SERPINB2: variants seen among roughly 807,000 people sequenced by gnomAD.
SERPINB2 encodes serpin family B member 2, also known as plasminogen activator inhibitor 2.
A neutral mutation model predicts 39.4 loss-of-function variants in SERPINB2; 28 were observed. The ratio of observed to expected loss-of-function variants is 0.71; its 90% confidence interval spans 0.53 to 0.97. The LOEUF (loss-of-function observed/expected upper bound fraction) is 0.97. Among genes scored for constraint, SERPINB2 ranks in the 50% least tolerant of loss-of-function variants. SERPINB2 has a pLI of 0.00. For synonymous variants in SERPINB2, 209 were observed against 175.1 expected (o/e 1.19, Z -1.53); for missense variants, 557 against 505.3 (o/e 1.10, Z -0.98).
At chr18:63,899,368 G>A (rs892644664) in intron 5 of SERPINB2, among the ~76,000 whole-genome samples, 1 of 152,050 alleles carries the variant, frequency 6.6e-6, no homozygotes, top group African/African-American at 2.4e-5. Context: ...CTTATCCTAT[G>A]CCCCCACAAA....
At chr18:63,893,750 T>C (rs9630850) in intron 2 of SERPINB2, among the ~76,000 whole-genome samples, 40,165 of 152,080 alleles carry the variant, frequency 0.26, 5,755 homozygotes, top group East Asian at 0.48. Flanking sequence ...TAGTAGCAGT[T>C]GCTATAATAA....
In SERPINB2 at chr18:63,897,806, G is replaced by C; in HGVS notation, c.497G>C (p.Arg166Thr). The C allele has an allele frequency of 6.2e-7, 1 of 1,612,012 alleles. No homozygotes were observed. Among genetic ancestry groups the C allele is most frequent in the Non-Finnish European group, 8.5e-7 (1 of 1,178,834 alleles). Residue 166 changes from arginine to threonine, a missense_variant, in exon 5 of 8, where the codon AGA (arginine) becomes ACA (threonine). Physicochemically the swap from Arg to Thr is moderately conservative, Grantham distance 71. Coordinates refer to ENST00000299502, the MANE Select transcript of SERPINB2 (RefSeq NM_002575.3). ...TTCCTAGAATGTGCAGAAGAAGCTA[G>C]AAAAAAGATTAATTCCTGGGTCAAG... ...VDFLECAEEA[R>T]KKINSWVKTQ...
Position 63,903,756 on chromosome 18 carries a change from T to C in SERPINB2, c.*451T>C, listed in dbSNP as rs1233035940. ...TCCCTCCATGCCCTTCTGTAATAAA[T>C]ATCTGGAAAAAACATTAAACAATAG... On this transcript the variant is annotated 3_prime_UTR_variant, in exon 8 of 8. Coordinates refer to ENST00000299502, the MANE Select transcript of SERPINB2 (RefSeq NM_002575.3). 6.6e-6 allele frequency: 1 copy of C among 152,352 alleles called. No individual in the cohort carries two copies. The highest frequency in any genetic ancestry group is 1.5e-5 in the Non-Finnish European group (1 of 68,156). The allele number at this position is 152,352 out of a possible 1,614,324, so 9.4% of individuals were successfully genotyped here. A position where few individuals can be genotyped will look rare whatever the true frequency, so the allele number is the denominator to read the frequency against.
rs2049992603 is a variant in SERPINB2, at chr18:63,901,783, T to C, written c.579T>C (p.Asp193=). The change falls in exon 6 of 8, where the codon GAT becomes GAC. Residue 193 remains aspartate (D), a synonymous_variant. Coordinates refer to ENST00000299502, the MANE Select transcript of SERPINB2 (RefSeq NM_002575.3). ...TACCTGAAGGTTCTGTAGATGGGGA[T>C]ACCAGGATGGTCCTGGTGAATGCTG... The part of the protein sequence containing the change: ...NLLPEGSVDG[D]TRMVLVNAVY... 1.3e-6 allele frequency: 2 copies of C among 1,585,892 alleles called. No individual in the cohort carries two copies. Among genetic ancestry groups the C allele is most frequent in the Non-Finnish European group, 8.5e-7 (1 of 1,172,230 alleles).
intron 6 of SERPINB2, 75 bp downstream of exon 6, chr18:63,901,957 G>C (rs1390957397): frequency 1.4e-6 from 2 of 1,387,820 alleles, no homozygotes; most frequent in African/African-American, 3.0e-5. Flanking sequence ...AAAAATTAGA[G>C]ACCGCTCATT....
chr18:63,894,759 A>G (rs960970526), intron 2 of SERPINB2, among the ~76,000 whole-genome samples: 1 of 152,200 alleles, frequency 6.6e-6, no homozygotes, highest in African/African-American at 2.4e-5. Flanking sequence ...TGAATATGGT[A>G]TGTGTAAATA....
chr18:63,897,743 G>T lies in SERPINB2; in HGVS notation c.434G>T (p.Cys145Phe). Reference sequence around the variant, plus strand: ...GCTTTAAAGGAATATATTCGACTCTGTCAGAAATATTACTCCTCAGAACCC... The same window carrying T: ...GCTTTAAAGGAATATATTCGACTCTTTCAGAAATATTACTCCTCAGAACCC... Reference protein sequence around the residue: ...ASFREEYIRLCQKYYSSEPQA... With the variant: ...ASFREEYIRLFQKYYSSEPQA... The change falls in exon 5 of 8, where the codon TGT (cysteine) becomes TTT (phenylalanine). Residue 145 changes from cysteine (C) to phenylalanine (F), a missense_variant. By Grantham distance (205) the Cys-to-Phe change is radical. Transcript: ENST00000299502. 1 of 1,608,280 alleles carries T rather than the reference G, an allele frequency of 6.2e-7. No homozygotes were observed. Among genetic ancestry groups the T allele is most frequent in the East Asian group, 2.2e-5 (1 of 44,842 alleles).
chr18:63,897,471 C>T (rs143729221), intron 4 of SERPINB2, among the ~76,000 whole-genome samples: 99 of 152,208 alleles, frequency 6.5e-4, no homozygotes, highest in Middle Eastern at 3.4e-3. Context: ...AGACACTATC[C>T]CCCAAGTCAA....
In SERPINB2 at chr18:63,897,737, G is replaced by T; in HGVS notation, c.428G>T (p.Arg143Leu). 6.3e-7 allele frequency: 1 copy of T among 1,599,586 alleles called. No individual in the cohort carries two copies. The highest frequency in any genetic ancestry group is 8.6e-7 in the Non-Finnish European group (1 of 1,167,258). The change falls in exon 5 of 8, where the codon CGA becomes CTA. Residue 143 changes from arginine (R) to leucine (L), a missense_variant. Arg to Leu is a moderately radical substitution (Grantham distance 102). Coordinates refer to ENST00000299502, the MANE Select transcript of SERPINB2 (RefSeq NM_002575.3). ...KSASFREEYI[R>L]LCQKYYSSEP... Reference sequence around the variant, plus strand: ...TTTCTTGCTTTAAAGGAATATATTCGACTCTGTCAGAAATATTACTCCTCA... The same window carrying T: ...TTTCTTGCTTTAAAGGAATATATTCTACTCTGTCAGAAATATTACTCCTCA...
intron 1 of SERPINB2, 45 bp downstream of exon 1, chr18:63,887,815 C>T (rs1282265571): frequency 2.0e-5 from 3 of 152,200 alleles, no homozygotes. Context: ...AATAGGGTTT[C>T]ATGTTTTCTC....
chr18:63,896,995 T>C, intron 3 of SERPINB2, 96 bp from the exon 4 acceptor site: 1 of 1,175,136 alleles, frequency 8.5e-7, no homozygotes, highest in Non-Finnish European at 1.2e-6. Context: ...AATATAGCAT[T>C]TCATGATTGT....
At chr18:63,890,259 C>A (rs2049917312) in intron 1 of SERPINB2, among the ~76,000 whole-genome samples, 1 of 151,930 alleles carries the variant, frequency 6.6e-6, no homozygotes, top group African/African-American at 2.4e-5. Flanking sequence ...AAGAAGCGAC[C>A]AATGGTCCTT....
At chr18:63,887,900 G>A (rs890970879) in intron 1 of SERPINB2, 130 bp downstream of exon 1, 1 of 152,126 alleles carries the variant, frequency 6.6e-6, no homozygotes, top group African/African-American at 2.4e-5. Context: ...AATTTAAGTG[G>A]TGTTTTCTTG....
Position 63,894,319 on chromosome 18 carries a change from G to A in SERPINB2, c.169-945G>A, listed in dbSNP as rs1201876006. Reference sequence around the variant, plus strand: ...GAGAGTACTAGGCAGGACTTACGATGTATGACTCAAAGAGCAGAAAAAGAC... The same window carrying A: ...GAGAGTACTAGGCAGGACTTACGATATATGACTCAAAGAGCAGAAAAAGAC... On this transcript the variant is annotated intron_variant, in intron 2 of 7. Coordinates refer to ENST00000299502, the MANE Select transcript of SERPINB2 (RefSeq NM_002575.3). 2.6e-5 allele frequency among the ~76,000 whole-genome samples: 4 copies of A among 152,312 alleles called. No homozygotes were observed. The East Asian group carries it at 5.8e-4, about 22-fold the overall frequency.
chr18:63,895,546 T>C (rs1297842894), intron 3 of SERPINB2, among the ~76,000 whole-genome samples, 163 bp downstream of exon 3: 2 of 152,224 alleles, frequency 1.3e-5, no homozygotes, highest in African/African-American at 4.8e-5. Context: ...CCTAAGATGA[T>C]ACCCATAACG....
chr18:63,903,202 G>A lies in SERPINB2; in HGVS notation c.1145G>A (p.Gly382Glu). The change falls in exon 8 of 8, where the codon GGA (glycine) becomes GAA (glutamate). Residue 382 changes from glycine to glutamate, a missense_variant. By Grantham distance (98) the Gly-to-Glu change is moderately conservative. Transcript: ENST00000299502. ...GTGGVMTGRT[G>E]HGGPQFVADH... ...GGAGGTGTTATGACAGGGAGAACTG[G>A]ACATGGAGGCCCACAGTTTGTGGCA... 13 of 1,613,262 alleles carry A rather than the reference G, an allele frequency of 8.1e-6. No individual in the cohort carries two copies. Among genetic ancestry groups the A allele is most frequent in the Non-Finnish European group, 1.1e-5 (13 of 1,179,562 alleles).
At chr18:63,896,954 C>T (rs971366784) in intron 3 of SERPINB2, 137 bp from the exon 4 acceptor site, 2 of 645,598 alleles carry the variant, frequency 3.1e-6, no homozygotes, top group Admixed American at 7.4e-5. Flanking sequence ...CTCAAAGATT[C>T]CTCTAATGTA....
chr18:63,896,210 G>A (rs527574869), intron 3 of SERPINB2, among the ~76,000 whole-genome samples: 5 of 152,256 alleles, frequency 3.3e-5, no homozygotes, highest in African/African-American at 1.2e-4. Flanking sequence ...TGATCATGTG[G>A]AGATTCCGCC....
chr18:63,898,139 G>T (rs1274159381), intron 5 of SERPINB2, among the ~76,000 whole-genome samples: 1 of 152,218 alleles, frequency 6.6e-6, no homozygotes, highest in Admixed American at 6.5e-5. Context: ...TATCAGCATT[G>T]AAATAATTGT....
Sources: allele counts gnomAD v4.1 joint callset (sites outside exome capture counted in the v4.1 genomes callset), GRCh38; gene constraint gnomAD v4.1.1; transcripts MANE v1.5; gene names NCBI Gene and HGNC (gene_info 2026-07-23, HGNC 2026-07-21).